BRWD3: variants seen among roughly 807,000 people sequenced by gnomAD.
BRWD3 encodes the protein bromodomain and WD repeat domain containing 3.
In BRWD3, 10 loss-of-function variants were observed where a neutral mutation model predicts 149.7. The observed-to-expected ratio is 0.07, with a 90% CI of 0.04 to 0.11. The LOEUF (loss-of-function observed/expected upper bound fraction) is 0.11, where lower values mean the gene tolerates loss of function less well. Ranked by LOEUF, BRWD3 falls within the 10% of genes least tolerant of loss-of-function variation. BRWD3 has a pLI of 1.00. For missense variants in BRWD3, 940 were observed against 1,373.2 expected (o/e 0.68, Z 4.99); for synonymous variants, 504 against 456.7 (o/e 1.10, Z -1.32).
chrX:80,809,410 C>G, intron 1 of BRWD3, 31 bp downstream of exon 1: 1 of 1,002,541 alleles, frequency 1.0e-6, no homozygotes, highest in Non-Finnish European at 1.4e-6. Flanking sequence ...ATTCCCTTAG[C>G]ACCCCCCCAC....
chrX:80,787,728 A>G (rs2074126044), intron 6 of BRWD3, among the ~76,000 whole-genome samples: 1 of 111,959 alleles, frequency 8.9e-6, no homozygotes, highest in East Asian at 2.8e-4. Flanking sequence ...TTCAAACACA[A>G]AAAGTACAGT....
At chrX:80,703,703 G>T in intron 23 of BRWD3, 110 bp from the exon 24 acceptor site, 1 of 531,439 alleles carries the variant, frequency 1.9e-6, no homozygotes, top group Non-Finnish European at 3.1e-6. Flanking sequence ...AAAAATTTCA[G>T]GTTACAATGA....
At chrX:80,768,792 T>G (rs920210931) in intron 6 of BRWD3, among the ~76,000 whole-genome samples, 5 of 110,269 alleles carry the variant, frequency 4.5e-5, no homozygotes, top group Admixed American at 2.9e-4. Context: ...TGGCAAATTG[T>G]ATAAAGAGTC....
chrX:80,798,405 C>T (rs1459658736), intron 4 of BRWD3, among the ~76,000 whole-genome samples: 15 of 109,803 alleles, frequency 1.4e-4, no homozygotes, highest in African/African-American at 4.9e-4. Context: ...TTTTTTTTTA[C>T]ATTTTTAAAT....
chrX:80,795,075 A>G (rs1455525692), intron 4 of BRWD3, among the ~76,000 whole-genome samples: 1 of 111,655 alleles, frequency 9.0e-6, no homozygotes, highest in African/African-American at 3.2e-5. Flanking sequence ...ACTTGTTTTT[A>G]AAAAAACAAG....
At chrX:80,741,171 G>A (rs2073490675) in intron 8 of BRWD3, among the ~76,000 whole-genome samples, 1 of 109,147 alleles carries the variant, frequency 9.2e-6, no homozygotes, top group Non-Finnish European at 1.9e-5. Flanking sequence ...TCGGTTTTTT[G>A]TCCTTGCGAT....
chrX:80,783,602 T>C (rs2074079095), intron 6 of BRWD3, among the ~76,000 whole-genome samples: 1 of 110,645 alleles, frequency 9.0e-6, no homozygotes, highest in African/African-American at 3.3e-5. Context: ...AAACAGTATA[T>C]TGAAGAGATA....
chrX:80,754,517 C>G (rs746177558), intron 6 of BRWD3, among the ~76,000 whole-genome samples: 1 of 111,821 alleles, frequency 8.9e-6, no homozygotes, highest in African/African-American at 3.3e-5. Flanking sequence ...CATCTGACCA[C>G]TCTCGCTAGG....
chrX:80,760,549 T>C (rs188279670), intron 6 of BRWD3, among the ~76,000 whole-genome samples: 295 of 112,102 alleles, frequency 2.6e-3, no homozygotes, highest in African/African-American at 9.0e-3. Context: ...AAGTGTATGA[T>C]AGTCTAATGT....
chrX:80,696,194 A>G (rs1421984508), intron 26 of BRWD3, among the ~76,000 whole-genome samples: 1 of 111,270 alleles, frequency 9.0e-6, no homozygotes, highest in East Asian at 2.8e-4. Context: ...TTAAAAATAT[A>G]AAGATGCCAA....
Position 80,809,759 on chromosome X carries a change from AAGAGAGAGAG to A in BRWD3, c.-298_-289del, listed in dbSNP as rs1204009468. Reference sequence around the variant, plus strand: ...AGAAGAGAGAGAGAGAGAGAGGAAAAAGAGAGAGAGAGAGAGAGAGAGAGAGAGAGAGAGA... The same window carrying A: ...AGAAGAGAGAGAGAGAGAGAGGAAAAAGAGAGAGAGAGAGAGAGAGAGAGA... On this transcript the variant is annotated 5_prime_UTR_variant, in exon 1 of 41. Transcript: ENST00000373275. 63 of 19,254 alleles carry A rather than the reference AAGAGAGAGAG, an allele frequency of 3.3e-3. No individual in the cohort carries two copies. The highest frequency in any genetic ancestry group is 0.019 in the African/African-American group (48 of 2,543). 1.6% of individuals were successfully genotyped at this position (19,254 alleles called of 1,213,427 possible).
chrX:80,778,897 G>A (rs755754227), intron 6 of BRWD3, among the ~76,000 whole-genome samples: 1 of 111,919 alleles, frequency 8.9e-6, no homozygotes, highest in South Asian at 3.7e-4. Flanking sequence ...TACTTGGCAG[G>A]TTGAGGCATG....
intron 20 of BRWD3, among the ~76,000 whole-genome samples, chrX:80,714,031 C>T (rs951798767): frequency 3.6e-5 from 4 of 111,365 alleles, no homozygotes; most frequent in Admixed American, 1.9e-4. Context: ...CTTGAAATAG[C>T]CCTGCAAAGT....
At chrX:80,719,844 T>C (rs1303652982) in intron 17 of BRWD3, among the ~76,000 whole-genome samples, 188 bp from the exon 18 acceptor site, 1 of 112,158 alleles carries the variant, frequency 8.9e-6, no homozygotes, top group Non-Finnish European at 1.9e-5. Context: ...ACTTAACCAA[T>C]GCTCCCAAAT....
intron 5 of BRWD3, among the ~76,000 whole-genome samples, chrX:80,792,874 A>G (rs916158424): frequency 3.6e-5 from 4 of 110,789 alleles, no homozygotes; most frequent in Middle Eastern, 4.7e-3. Flanking sequence ...TTATTTAACA[A>G]TTACTGAGGC....
chrX:80,715,449 C>G (rs756014507), intron 20 of BRWD3, among the ~76,000 whole-genome samples: 17 of 111,876 alleles, frequency 1.5e-4, no homozygotes, highest in Non-Finnish European at 2.8e-4. Context: ...AATTACCACA[C>G]TCTACAGAAA....
intron 6 of BRWD3, among the ~76,000 whole-genome samples, chrX:80,790,043 G>A (rs1200696551): frequency 9.3e-6 from 1 of 106,965 alleles, no homozygotes; most frequent in Non-Finnish European, 1.9e-5. Flanking sequence ...AAAATTAGTC[G>A]GATGTGGTGG....
chrX:80,800,726 AAG>A (rs1345663859), intron 4 of BRWD3, among the ~76,000 whole-genome samples: 2 of 110,727 alleles, frequency 1.8e-5, no homozygotes, highest in Non-Finnish European at 3.8e-5. Context: ...CTGAATTTGA[AAG>A]AGAAGTGAAA....
Position 80,722,903 on chromosome X carries a change from T to C in BRWD3, c.1651-116A>G, listed in dbSNP as rs920534847. The C allele has an allele frequency of 8.6e-5, 54 of 629,883 alleles. No individual in the cohort carries two copies. In the East Asian group the frequency reaches 1.8e-3, roughly 21 times the overall value. The allele number at this position is 629,883 out of a possible 1,213,427, so 51.9% of individuals were successfully genotyped here. A position where few individuals can be genotyped will look rare whatever the true frequency, so the allele number is the denominator to read the frequency against. ...TCAGAGAATCTTTTGCATACTCTTCTAGTCCTTTGTTGCCCTGTATTCCCT... is the reference window on the plus strand; with the variant it reads ...TCAGAGAATCTTTTGCATACTCTTCCAGTCCTTTGTTGCCCTGTATTCCCT... On this transcript the variant is annotated intron_variant, in intron 16 of 40. Coordinates refer to ENST00000373275, the MANE Select transcript of BRWD3 (RefSeq NM_153252.5).
Sources: allele counts gnomAD v4.1 joint callset (sites outside exome capture counted in the v4.1 genomes callset), GRCh38; gene constraint gnomAD v4.1.1; transcripts MANE v1.5; gene names NCBI Gene and HGNC (gene_info 2026-07-23, HGNC 2026-07-21).